Variants in ADGRL3 observed in about 807,000 individuals in gnomAD.
ADGRL3 encodes the protein adhesion G protein-coupled receptor L3.
A neutral mutation model predicts 153.5 loss-of-function variants in ADGRL3; 62 were observed. That is an observed-to-expected ratio of 0.40 (90% CI 0.33 to 0.50). ADGRL3 has a LOEUF of 0.50. Among genes scored for constraint, ADGRL3 ranks in the 20% least tolerant of loss-of-function variants. The probability of loss-of-function intolerance (pLI) is 0.47; values close to 1 mark genes in which losing one functional copy is unlikely to be tolerated. For synonymous variants in ADGRL3, 710 were observed against 672.5 expected (o/e 1.06, Z -0.86); for missense variants, 1,641 against 1,859.4 (o/e 0.88, Z 2.16).
intron 17 of ADGRL3, among the ~76,000 whole-genome samples, chr4:61,974,417 T>C (rs1443216051): frequency 2.6e-5 from 4 of 152,202 alleles, no homozygotes; most frequent in Non-Finnish European, 5.9e-5. Context: ...TAGCATTTAT[T>C]ATTGTTATGG....
chr4:61,575,909 G>A (rs997297232), intron 4 of ADGRL3, among the ~76,000 whole-genome samples: 3 of 151,976 alleles, frequency 2.0e-5, no homozygotes, highest in Non-Finnish European at 4.4e-5. Flanking sequence ...TTTTGTGGGA[G>A]GGAAAATGTG....
intron 5 of ADGRL3, among the ~76,000 whole-genome samples, chr4:61,614,279 A>AT (rs1483993338): frequency 6.6e-6 from 1 of 152,162 alleles, no homozygotes; most frequent in Non-Finnish European, 1.5e-5. Flanking sequence ...AAAAAATTGA[A>AT]TTTATTCCAA....
intron 9 of ADGRL3, among the ~76,000 whole-genome samples, chr4:61,841,674 AT>A (rs890027197): frequency 7.9e-5 from 12 of 151,862 alleles, no homozygotes; most frequent in Admixed American, 2.0e-4. Flanking sequence ...TGTAGAATGA[AT>A]TTTTTTTTGT....
chr4:61,460,880 C>T (rs977618178), intron 2 of ADGRL3, among the ~76,000 whole-genome samples: 4 of 151,946 alleles, frequency 2.6e-5, no homozygotes, highest in African/African-American at 9.7e-5. Context: ...ACCAGCCTGG[C>T]CAACAATGGT....
chr4:61,423,606 G>T (rs1479480094), intron 2 of ADGRL3, among the ~76,000 whole-genome samples: 1 of 152,186 alleles, frequency 6.6e-6, no homozygotes. Context: ...AAGGGACTAG[G>T]TGGAGGCCAA....
chr4:61,227,525 G>A lies in ADGRL3; in HGVS notation c.-240+25760G>A, dbSNP rs559093035. On this transcript the variant is annotated intron_variant, in intron 1 of 26. Coordinates refer to ENST00000683033, the MANE Select transcript of ADGRL3 (RefSeq NM_001387552.1). ...TGCCCAGCCCTCATTTTCTCATTAT[G>A]TATTTCTTATCTCTGATCTCTGAGA... Among the ~76,000 whole-genome samples the A allele has an allele frequency of 3.3e-5, 5 of 152,142 alleles. No homozygotes were observed. The South Asian group carries it at 8.3e-4, about 25-fold the overall frequency.
intron 1 of ADGRL3, among the ~76,000 whole-genome samples, chr4:61,333,512 T>G (rs1319017420): frequency 2.0e-5 from 3 of 152,210 alleles, no homozygotes; most frequent in African/African-American, 7.2e-5. Context: ...CAACACTTAT[T>G]TAAATTTTTA....
intron 1 of ADGRL3, among the ~76,000 whole-genome samples, chr4:61,341,029 G>T (rs933811084): frequency 6.6e-6 from 1 of 151,972 alleles, no homozygotes. Context: ...TCAGTATTGT[G>T]ATAGTCTAAT....
Position 61,468,854 on chromosome 4 carries a change from T to TAGA in ADGRL3, c.-173-28267_-173-28266insAGA, listed in dbSNP as rs1253738794. ...TAGTTTTATCGATATAACCACTCCC[T>TAGA]TCTATTGACAGATCTCCCCATTTCT... On this transcript the variant is annotated intron_variant, in intron 2 of 26. Coordinates refer to ENST00000683033, the MANE Select transcript of ADGRL3 (RefSeq NM_001387552.1). Among the ~76,000 whole-genome samples, 36 of 152,208 alleles carry TAGA rather than the reference T, an allele frequency of 2.4e-4. No homozygotes were observed. In the East Asian group the frequency reaches 4.8e-3, roughly 20 times the overall value.
chr4:61,861,603 T>C (rs561936534), intron 9 of ADGRL3, among the ~76,000 whole-genome samples: 1 of 152,078 alleles, frequency 6.6e-6, no homozygotes, highest in East Asian at 2.0e-4. Flanking sequence ...TTTATACTGC[T>C]CATGACAAGA....
chr4:61,674,502 C>T (rs962200969), intron 5 of ADGRL3, among the ~76,000 whole-genome samples: 1 of 151,580 alleles, frequency 6.6e-6, no homozygotes, highest in Non-Finnish European at 1.5e-5. Context: ...AATAAAATGA[C>T]TATAGACCAA....
chr4:61,257,629 A>T (rs2092098590), intron 1 of ADGRL3, among the ~76,000 whole-genome samples: 1 of 152,182 alleles, frequency 6.6e-6, no homozygotes, highest in Non-Finnish European at 1.5e-5. Context: ...GACAAAGATA[A>T]ATATTAAAAT....
At chr4:61,296,186 T>G (rs2094405816) in intron 1 of ADGRL3, among the ~76,000 whole-genome samples, 1 of 152,094 alleles carries the variant, frequency 6.6e-6, no homozygotes, top group Non-Finnish European at 1.5e-5. Flanking sequence ...AAAGCTAACT[T>G]AATAATACTG....
intron 15 of ADGRL3, 23 bp downstream of exon 15, chr4:61,936,068 A>G (rs1247461462): frequency 6.2e-7 from 1 of 1,607,430 alleles, no homozygotes; most frequent in Non-Finnish European, 8.5e-7. Context: ...TTATTTTTTA[A>G]GCTTGAGGGA....
intron 4 of ADGRL3, among the ~76,000 whole-genome samples, chr4:61,577,154 G>A (rs2098890720): frequency 6.7e-6 from 1 of 150,004 alleles, no homozygotes; most frequent in Non-Finnish European, 1.5e-5. Context: ...GAATAATTGT[G>A]TGTGTGTGTG....
At chr4:61,687,165 CAA>C (rs1330976452) in intron 6 of ADGRL3, among the ~76,000 whole-genome samples, 3 of 151,158 alleles carry the variant, frequency 2.0e-5, no homozygotes, top group African/African-American at 7.3e-5. Flanking sequence ...TAATAAAATC[CAA>C]AGTCAAATAA....
intron 1 of ADGRL3, among the ~76,000 whole-genome samples, chr4:61,239,188 A>C (rs1163686734): frequency 6.6e-6 from 1 of 152,176 alleles, no homozygotes; most frequent in Non-Finnish European, 1.5e-5. Context: ...AGGAGAGTCA[A>C]AGCATGAATG....
At chr4:61,413,159 CT>C (rs1358143076) in intron 2 of ADGRL3, among the ~76,000 whole-genome samples, 1 of 152,104 alleles carries the variant, frequency 6.6e-6, no homozygotes, top group Non-Finnish European at 1.5e-5. Context: ...GATATTGAAG[CT>C]TTTTATTATT....
At chr4:61,745,013 T>G (rs973190291) in intron 8 of ADGRL3, among the ~76,000 whole-genome samples, 1 of 151,996 alleles carries the variant, frequency 6.6e-6, no homozygotes, top group African/African-American at 2.4e-5. Context: ...CACAGAGAAG[T>G]GCTTAAAGGA....
Sources: gnomAD v4.1 joint callset for allele counts (sites outside exome capture counted in the v4.1 genomes callset) on GRCh38, gnomAD v4.1.1 for gene constraint, MANE v1.5 for transcripts, NCBI Gene and HGNC (gene_info 2026-07-23, HGNC 2026-07-21) for gene names.